The following SEPHS1 variants were observed in gnomAD, a reference collection of about 807,000 sequenced individuals.
The protein encoded by SEPHS1 is zincore component SEPHS1.
In SEPHS1, 7 loss-of-function variants were observed where a neutral mutation model predicts 39.2. The ratio of observed to expected loss-of-function variants is 0.18; its 90% CI spans 0.10 to 0.34. SEPHS1 has a LOEUF of 0.34. SEPHS1 is among the 10% of genes least tolerant of loss of function. The pLI is 1.00. For missense variants in SEPHS1, 253 were observed against 514.5 expected (o/e 0.49, Z 4.92); for synonymous variants, 190 against 195.5 (o/e 0.97, Z 0.23).
intron 7 of SEPHS1, among the ~76,000 whole-genome samples, chr10:13,323,502 G>C (rs766547719): frequency 1.3e-5 from 2 of 151,892 alleles, no homozygotes; most frequent in African/African-American, 4.8e-5. Context: ...CTACAGGTGC[G>C]CACCACCACG....
chr10:13,332,765 C>T (rs1380179315), intron 5 of SEPHS1, among the ~76,000 whole-genome samples: 1 of 151,760 alleles, frequency 6.6e-6, no homozygotes, highest in East Asian at 1.9e-4. Context: ...ATGGCATGAA[C>T]CCGGGAGATG....
At chr10:13,331,113 C>T (rs1406954041) in intron 5 of SEPHS1, among the ~76,000 whole-genome samples, 10 of 152,138 alleles carry the variant, frequency 6.6e-5, no homozygotes, top group Non-Finnish European at 1.5e-4. Context: ...TGATAGTTTG[C>T]TTAGAATGAT....
At chr10:13,327,417 A>G (rs1833336509) in intron 7 of SEPHS1, among the ~76,000 whole-genome samples, 1 of 152,166 alleles carries the variant, frequency 6.6e-6, no homozygotes, top group Non-Finnish European at 1.5e-5. Flanking sequence ...CCAAACATGA[A>G]AAAAAGTCCT....
At chr10:13,326,399 G>A (rs918232074) in intron 7 of SEPHS1, among the ~76,000 whole-genome samples, 12 of 151,778 alleles carry the variant, frequency 7.9e-5, no homozygotes, top group African/African-American at 2.2e-4. Context: ...ACTTGAAGTC[G>A]GAAGGCGGAG....
intron 2 of SEPHS1, among the ~76,000 whole-genome samples, chr10:13,342,477 G>A (rs560168879): frequency 3.1e-4 from 47 of 151,712 alleles, no homozygotes; most frequent in Middle Eastern, 6.9e-3. Flanking sequence ...CCAGCTACTT[G>A]GGAGGCAGAG....
chr10:13,345,856 G>A (rs762182089), intron 1 of SEPHS1, among the ~76,000 whole-genome samples: 2 of 152,200 alleles, frequency 1.3e-5, no homozygotes, highest in Non-Finnish European at 2.9e-5. Flanking sequence ...CAGCCTGGGC[G>A]AGAGTGAGAC....
At position 13,323,009 on chromosome 10, in the gene SEPHS1, T is replaced by C; in HGVS notation, c.790A>G (p.Thr264Ala). ...AAAATCCCGAAGCCCGTGATGTCAG[T>C]GGCGGCGTGGGCATTGAACGTGTGC... is the stretch of plus-strand genomic sequence containing the variant. ...LMHTFNAHAA[T>A]DITGFGILGH... Residue 264 changes from threonine (T) to alanine (A), a missense_variant, in exon 8 of 9, where the codon ACT becomes GCT. Around this residue, in one of 4 missense-constraint regions of SEPHS1, gnomAD observed 107 missense variants for 257.1 expected, o/e 0.42. Coordinates refer to ENST00000327347, the MANE Select transcript of SEPHS1 (RefSeq NM_012247.5). 6.2e-7 allele frequency: 1 copy of C among 1,613,994 alleles called. No individual in the cohort carries two copies.
chr10:13,336,511 C>A, intron 3 of SEPHS1, 161 bp from the exon 4 acceptor site: 1 of 653,900 alleles, frequency 1.5e-6, no homozygotes, highest in South Asian at 1.7e-5. Flanking sequence ...GACTGGCAAC[C>A]TTTCCTGCAT....
At chr10:13,336,190 A>T in intron 4 of SEPHS1, 53 bp downstream of exon 4, 1 of 1,282,180 alleles carries the variant, frequency 7.8e-7, no homozygotes, top group Middle Eastern at 2.5e-4. Context: ...CCAAGGCCAG[A>T]GATGCCACCG....
At chr10:13,338,632 C>T (rs1483992950) in intron 3 of SEPHS1, 73 bp downstream of exon 3, 2 of 1,231,078 alleles carry the variant, frequency 1.6e-6, no homozygotes, top group East Asian at 4.6e-5. Flanking sequence ...CAGATACATA[C>T]AAAACCCCAG....
At chr10:13,347,813 T>G (rs1356003307) in intron 1 of SEPHS1, among the ~76,000 whole-genome samples, 187 bp downstream of exon 1, 1 of 137,466 alleles carries the variant, frequency 7.3e-6, no homozygotes, top group Non-Finnish European at 1.6e-5. Flanking sequence ...CGGCGCTTCT[T>G]TTTTAAAGCG....
intron 2 of SEPHS1, among the ~76,000 whole-genome samples, chr10:13,339,571 C>G (rs1250438462): frequency 6.6e-6 from 1 of 151,576 alleles, no homozygotes; most frequent in Non-Finnish European, 1.5e-5. Flanking sequence ...CAGCCCTACA[C>G]CCCTCAGAAG....
chr10:13,344,925 G>T lies in SEPHS1; in HGVS notation c.26C>A (p.Pro9Gln). 1.3e-6 allele frequency: 2 copies of T among 1,587,832 alleles called. 1 individual carries two copies. The stretch of plus-strand genomic sequence containing the variant: ...GCTTTTGTCCAATTCGTAACTTTCC[G>T]GGTTAAAGGACTCCCGCGTAGACAT... MSTRESFN[P>Q]ESYELDKSFR... Residue 9 changes from proline to glutamine, a missense_variant, in exon 2 of 9, where the codon CCG becomes CAG. Physicochemically the swap from Pro to Gln is moderately conservative, Grantham distance 76 (BLOSUM62 -1). This residue lies in a region of SEPHS1 where 123 missense variants were observed against 196.8 expected (regional missense o/e 0.62). Coordinates refer to ENST00000327347, the MANE Select transcript of SEPHS1 (RefSeq NM_012247.5).
chr10:13,333,741 T>A (rs1233550739), intron 5 of SEPHS1, 76 bp downstream of exon 5: 2 of 1,494,748 alleles, frequency 1.3e-6, no homozygotes, highest in Non-Finnish European at 1.8e-6. Flanking sequence ...CACCTGACCT[T>A]AATACATCAA....
intron 7 of SEPHS1, among the ~76,000 whole-genome samples, chr10:13,323,879 G>C (rs189274553): frequency 1.5e-3 from 229 of 152,052 alleles, no homozygotes; most frequent in African/African-American, 5.2e-3. Flanking sequence ...TCACAAGTGT[G>C]AGCCACTGCT....
chr10:13,334,064 A>C, intron 4 of SEPHS1, 93 bp from the exon 5 acceptor site: 1 of 1,164,936 alleles, frequency 8.6e-7, no homozygotes, highest in South Asian at 1.5e-5. Flanking sequence ...AAAAAGAACC[A>C]TAAAATCCTA....
At chr10:13,326,975 C>T (rs1447896317) in intron 7 of SEPHS1, among the ~76,000 whole-genome samples, 2 of 152,106 alleles carry the variant, frequency 1.3e-5, no homozygotes, top group Non-Finnish European at 2.9e-5. Flanking sequence ...CTATGGCTCA[C>T]GCCTATAATC....
chr10:13,324,908 T>C (rs957082923), intron 7 of SEPHS1, among the ~76,000 whole-genome samples: 5 of 152,266 alleles, frequency 3.3e-5, no homozygotes, highest in Non-Finnish European at 7.3e-5. Flanking sequence ...CAGTTCCCTA[T>C]TGACGTACCA....
At chr10:13,331,522 C>T (rs1833469414) in intron 5 of SEPHS1, among the ~76,000 whole-genome samples, 1 of 152,126 alleles carries the variant, frequency 6.6e-6, no homozygotes, top group African/African-American at 2.4e-5. Context: ...GCTGGGATTA[C>T]AGGCGCCTGC....
Sources: gnomAD v4.1 joint callset for allele counts (sites outside exome capture counted in the v4.1 genomes callset) on GRCh38, gnomAD v4.1.1 for gene constraint, gnomAD v4.1.1 regional missense constraint, MANE v1.5 for transcripts, NCBI Gene and HGNC (gene_info 2026-07-23, HGNC 2026-07-21) for gene names.